The following CACNA1C variants were observed in gnomAD, a reference collection of about 807,000 sequenced individuals.
CACNA1C encodes calcium voltage-gated channel subunit alpha1 C.
In CACNA1C, 30 loss-of-function variants were observed where a neutral mutation model predicts 229.0. That is an observed-to-expected ratio of 0.13 (90% CI 0.10 to 0.18). The LOEUF (loss-of-function observed/expected upper bound fraction) is 0.18. Ranked by LOEUF, CACNA1C falls within the 10% of genes least tolerant of loss-of-function variation. CACNA1C has a pLI of 1.00. For missense variants in CACNA1C, 1,658 were observed against 2,845.0 expected (o/e 0.58, Z 9.49); for synonymous variants, 1,114 against 1,132.5 (o/e 0.98, Z 0.33).
chr12:2,275,737 C>T lies in CACNA1C; in HGVS notation c.477+155307C>T, dbSNP rs938629370. On this transcript the variant is annotated intron_variant, in intron 3 of 46. Transcript: ENST00000399655. This position sits in a 1 kb window ranked among gnomAD's most constrained non-coding sequence, Gnocchi z 4.1. The stretch of plus-strand genomic sequence containing the variant: ...TGAGCAGGAAACCATCGTTAGGGCA[C>T]GGAAGCATAGGTGGGAGAAGACAGC... 2.0e-5 allele frequency among the ~76,000 whole-genome samples: 3 copies of T among 152,266 alleles called. No homozygotes were observed. The highest frequency in any genetic ancestry group is 6.5e-5 in the Admixed American group (1 of 15,282).
At chr12:2,555,016 G>A (rs1478154118) in intron 10 of CACNA1C, among the ~76,000 whole-genome samples, 2 of 152,242 alleles carry the variant, frequency 1.3e-5, no homozygotes, top group Non-Finnish European at 2.9e-5. Context: ...CTTCAAGTGT[G>A]GTGCCCAGGC....
intron 1 of CACNA1C, among the ~76,000 whole-genome samples, chr12:2,064,704 C>G (rs1042109497): frequency 6.6e-6 from 1 of 152,130 alleles, no homozygotes; most frequent in East Asian, 1.9e-4. Context: ...AACAGCAGCA[C>G]GTGGTAGGCT....
chr12:2,082,616 T>A (rs2066067010), intron 1 of CACNA1C, among the ~76,000 whole-genome samples: 1 of 152,164 alleles, frequency 6.6e-6, no homozygotes, highest in African/African-American at 2.4e-5. Context: ...TCCTGGCACC[T>A]TGACCCTGCC....
At chr12:2,355,939 C>T (rs1593899438) in intron 3 of CACNA1C, among the ~76,000 whole-genome samples, 1 of 152,192 alleles carries the variant, frequency 6.6e-6, no homozygotes, top group African/African-American at 2.4e-5. Context: ...TCCCAGAGGG[C>T]AGGACACAGC....
chr12:2,355,003 G>T (rs1254597195), intron 3 of CACNA1C, among the ~76,000 whole-genome samples: 1 of 152,142 alleles, frequency 6.6e-6, no homozygotes, highest in East Asian at 1.9e-4. Context: ...GTGTGGGGTG[G>T]GGTGGAGGGC....
chr12:2,526,329 C>T (rs1405697555), intron 9 of CACNA1C, among the ~76,000 whole-genome samples: 1 of 152,200 alleles, frequency 6.6e-6, no homozygotes, highest in Non-Finnish European at 1.5e-5. Context: ...GCTGCTATTC[C>T]AGGGCCTTGT....
chr12:2,267,498 G>A (rs763247611), intron 3 of CACNA1C, among the ~76,000 whole-genome samples: 10 of 152,072 alleles, frequency 6.6e-5, no homozygotes, highest in East Asian at 1.9e-4. Flanking sequence ...AGCACCTGCC[G>A]GATTCACCAT....
At chr12:2,690,015 C>G (rs991278990) in intron 46 of CACNA1C, 2 of 152,172 alleles carry the variant, frequency 1.3e-5, no homozygotes, top group Non-Finnish European at 1.5e-5. Flanking sequence ...GCTCAGGAGC[C>G]GATTTTCCCA....
At chr12:2,593,979 GT>G (rs2066797820) in intron 19 of CACNA1C, among the ~76,000 whole-genome samples, 1 of 152,194 alleles carries the variant, frequency 6.6e-6, no homozygotes, top group South Asian at 2.1e-4. Flanking sequence ...TTGAAAGATA[GT>G]TTTGCTGTGT....
At chr12:2,426,903 C>A (rs1313183544) in intron 3 of CACNA1C, among the ~76,000 whole-genome samples, 2 of 152,236 alleles carry the variant, frequency 1.3e-5, no homozygotes, top group Non-Finnish European at 1.5e-5. Flanking sequence ...TGCAAGGCTT[C>A]ACGTGGCCTA....
At chr12:2,347,924 A>G (rs1183511945) in intron 3 of CACNA1C, among the ~76,000 whole-genome samples, 1 of 152,210 alleles carries the variant, frequency 6.6e-6, no homozygotes, top group Admixed American at 6.5e-5. Context: ...GTATCACACC[A>G]GATTCCAGAA....
intron 9 of CACNA1C, among the ~76,000 whole-genome samples, chr12:2,535,321 G>A (rs1393598988): frequency 2.0e-5 from 3 of 151,096 alleles, no homozygotes; most frequent in African/African-American, 7.3e-5. Context: ...CCTGGGGAGT[G>A]GAGCTTGCAG....
chr12:2,053,210 G>A lies in CACNA1C; in HGVS notation c.-353G>A, dbSNP rs1467129619. 3.0e-6 allele frequency: 3 copies of A among 1,006,978 alleles called. No homozygotes were observed. In the African/African-American group the frequency reaches 5.2e-5, roughly 17 times the overall value. The allele number at this position is 1,006,978 out of a possible 1,614,324, so 62.4% of individuals were successfully genotyped here. ...CCCAGGCGGGCCCCGCGCGCCCCCC[G>A]CCCCTCCTCTCCGCCTCTTCTCGCC... On this transcript the variant is annotated 5_prime_UTR_variant, in exon 1 of 47. Transcript: ENST00000399655. This position sits in a 1 kb window ranked among gnomAD's most constrained non-coding sequence, Gnocchi z 5.8.
chr12:2,449,424 C>A (rs912218878), intron 4 of CACNA1C, among the ~76,000 whole-genome samples: 1 of 152,182 alleles, frequency 6.6e-6, no homozygotes, highest in Non-Finnish European at 1.5e-5. Context: ...TTCCGTGGTT[C>A]CACCCTAGTG....
chr12:1,982,913 TG>T (rs547364168), intron 1 of CACNA1C, among the ~76,000 whole-genome samples: 38 of 152,238 alleles, frequency 2.5e-4, no homozygotes, highest in Admixed American at 1.8e-3. Context: ...TATCTGAACT[TG>T]GAGTTTTGTT....
chr12:2,303,764 T>G (rs1324717937), intron 3 of CACNA1C, among the ~76,000 whole-genome samples: 1 of 152,146 alleles, frequency 6.6e-6, no homozygotes, highest in African/African-American at 2.4e-5. Context: ...TGCAAGGCTG[T>G]GCGGAGTGGG....
Position 2,275,242 on chromosome 12 carries a change from C to T in CACNA1C, c.477+154812C>T, listed in dbSNP as rs1265449548. Among the ~76,000 whole-genome samples the T allele has an allele frequency of 6.6e-6, 1 of 152,176 alleles. No homozygotes were observed. Among genetic ancestry groups the T allele is most frequent in the Non-Finnish European group, 1.5e-5 (1 of 68,032 alleles). Reference sequence around the variant, plus strand: ...TCATCAGCAATGTTAGCCCGGCAAACGTGATCTTTCTTTCCTTTGCCCAAT... The same window carrying T: ...TCATCAGCAATGTTAGCCCGGCAAATGTGATCTTTCTTTCCTTTGCCCAAT... On this transcript the variant is annotated intron_variant, in intron 3 of 46. Transcript: ENST00000399655. The surrounding 1 kb of genome is among the most constrained non-coding windows in gnomAD (Gnocchi z 4.1).
intron 3 of CACNA1C, among the ~76,000 whole-genome samples, chr12:2,140,252 G>T (rs561921112): frequency 6.6e-6 from 1 of 151,464 alleles, no homozygotes; most frequent in East Asian, 1.9e-4. Flanking sequence ...TTTGCAGAAT[G>T]GTCGGAGACC....
At chr12:2,204,886 A>G (rs1393593995) in intron 3 of CACNA1C, among the ~76,000 whole-genome samples, 1 of 150,368 alleles carries the variant, frequency 6.7e-6, no homozygotes, top group Non-Finnish European at 1.5e-5. Flanking sequence ...TGGCACATGT[A>G]TACATATGTA....
Sources: gnomAD v4.1 joint callset for allele counts (sites outside exome capture counted in the v4.1 genomes callset) on GRCh38, gnomAD v4.1.1 for gene constraint, Gnocchi (gnomAD v3.1) non-coding constraint, MANE v1.5 for transcripts, NCBI Gene and HGNC (gene_info 2026-07-23, HGNC 2026-07-21) for gene names.